The following DNAJC21 variants were observed in gnomAD, a reference collection of about 807,000 sequenced individuals.
The protein encoded by DNAJC21 is dnaJ homolog subfamily C member 21.
In DNAJC21, 63 loss-of-function variants were observed where a neutral mutation model predicts 72.4. The observed-to-expected ratio is 0.87, with a 90% CI of 0.71 to 1.07. DNAJC21 has a LOEUF of 1.07. DNAJC21 is among the 50% of genes least tolerant of loss of function. The probability of loss-of-function intolerance (pLI) is 0.00; values close to 1 mark genes in which losing one functional copy is unlikely to be tolerated. For synonymous variants in DNAJC21, 203 were observed against 216.7 expected (o/e 0.94, Z 0.56); for missense variants, 634 against 644.8 (o/e 0.98, Z 0.18).
chr5:34,930,358 T>C (rs1764548371), intron 1 of DNAJC21: 1 of 153,200 alleles, frequency 6.5e-6, no homozygotes, highest in Non-Finnish European at 1.5e-5. Flanking sequence ...TACTTCAACC[T>C]GATGTATGGC....
intron 1 of DNAJC21, among the ~76,000 whole-genome samples, chr5:34,930,727 C>T (rs1218994216): frequency 2.0e-5 from 3 of 152,204 alleles, no homozygotes; most frequent in Non-Finnish European, 4.4e-5. Flanking sequence ...CATCAGTAAA[C>T]ACGGTTACAG....
In DNAJC21 at chr5:34,938,925, A is replaced by G. The variant is rs767526642; in HGVS notation, c.811A>G (p.Met271Val). The change falls in exon 6 of 12, where the codon ATG (methionine) becomes GTG (valine). Residue 271 changes from methionine to valine, a missense_variant. Transcript: ENST00000648817. ...CAATTTGGAGAAAGAGCTCCAGGAGATGGAGGCACGGTACGAGAAGGAGTT... is the reference window on the plus strand; with the variant it reads ...CAATTTGGAGAAAGAGCTCCAGGAGGTGGAGGCACGGTACGAGAAGGAGTT... ...MANLEKELQEMEARYEKEFGD... is the reference protein window; with the variant it reads ...MANLEKELQEVEARYEKEFGD... 2 of 1,614,140 alleles carry G rather than the reference A, an allele frequency of 1.2e-6. No homozygotes were observed. The highest frequency in any genetic ancestry group is 1.7e-6 in the Non-Finnish European group (2 of 1,180,016).
intron 7 of DNAJC21, among the ~76,000 whole-genome samples, chr5:34,941,601 CTG>C (rs915812300): frequency 1.6e-5 from 2 of 122,096 alleles, no homozygotes; most frequent in South Asian, 2.8e-4. Context: ...GAGTCTCACT[CTG>C]TTGCCCCGGC....
chr5:34,930,056 G>T lies in DNAJC21; in HGVS notation c.97+140G>T. Reference sequence around the variant, plus strand: ...GAGCTCCTTGCCCCGCCCGGCCAGTGCCCGGAGCCGCCCTGCCCGTCTCGG... The same window carrying T: ...GAGCTCCTTGCCCCGCCCGGCCAGTTCCCGGAGCCGCCCTGCCCGTCTCGG... On this transcript the variant is annotated intron_variant, in intron 1 of 11. Transcript: ENST00000648817. 7 of 527,954 alleles carry T rather than the reference G, an allele frequency of 1.3e-5. No homozygotes were observed. The South Asian group carries it at 2.1e-4, about 16-fold the overall frequency. The allele number at this position is 527,954 out of a possible 1,614,324, so 32.7% of individuals were successfully genotyped here. A position where few individuals can be genotyped will look rare whatever the true frequency, so the allele number is the denominator to read the frequency against.
Position 34,955,592 on chromosome 5 carries a change from G to T in DNAJC21, c.*878G>T, listed in dbSNP as rs1250761253. On this transcript the variant is annotated 3_prime_UTR_variant, in exon 12 of 12. Coordinates refer to ENST00000648817, the MANE Select transcript of DNAJC21 (RefSeq NM_001012339.3). ...GTGGAGAAAAGCTTTGTTAATGAAA[G>T]ATTTTGTGATAGAGCTGATGCTTAT... 6 of 151,550 alleles carry T rather than the reference G, an allele frequency of 4.0e-5. No homozygotes were observed. In the East Asian group the frequency reaches 5.8e-4, roughly 15 times the overall value. The allele number at this position is 151,550 out of a possible 1,614,324, so 9.4% of individuals were successfully genotyped here.
chr5:34,939,630 A>G (rs1360567670), intron 6 of DNAJC21, among the ~76,000 whole-genome samples: 1 of 152,200 alleles, frequency 6.6e-6, no homozygotes, highest in African/African-American at 2.4e-5. Context: ...CTATTTCTAG[A>G]AAAGCTGATA....
intron 1 of DNAJC21, among the ~76,000 whole-genome samples, chr5:34,930,996 C>T (rs557908091): frequency 4.0e-5 from 6 of 151,804 alleles, no homozygotes; most frequent in Admixed American, 1.3e-4. Flanking sequence ...TGGACTGGAT[C>T]GTAGAGGAAT....
rs776885601 is a variant in DNAJC21 at position 34,936,269 on chromosome 5, A to G, written c.438+3A>G. Reference sequence around the variant, plus strand: ...ACTCCCAGAGTGACTATGATACGGTAAAATAAAAATGCATTGTTCTATAAT... The same window carrying G: ...ACTCCCAGAGTGACTATGATACGGTGAAATAAAAATGCATTGTTCTATAAT... On this transcript the variant is annotated splice_donor_region_variant and intron_variant, in intron 4 of 11. Transcript: ENST00000648817. 3 of 1,602,950 alleles carry G rather than the reference A, an allele frequency of 1.9e-6. No individual in the cohort carries two copies. In the East Asian group the frequency reaches 6.7e-5, roughly 36 times the overall value.
chr5:34,942,903 T>A (rs1388195004), intron 7 of DNAJC21, among the ~76,000 whole-genome samples: 3 of 152,158 alleles, frequency 2.0e-5, no homozygotes. Context: ...ACCCCGTCTC[T>A]ACTAAAACTA....
chr5:34,954,239 A>G (rs1325883129), intron 11 of DNAJC21: 3 of 469,190 alleles, frequency 6.4e-6, no homozygotes, highest in African/African-American at 2.0e-5. Flanking sequence ...TTACTTTTCA[A>G]TCTAAAGCCT....
chr5:34,951,923 G>A (rs751790878), intron 10 of DNAJC21: 45 of 985,342 alleles, frequency 4.6e-5, no homozygotes, highest in Admixed American at 6.1e-5. Context: ...TCACTGATGT[G>A]AGGAAAGGAT....
chr5:34,950,824 T>C, intron 10 of DNAJC21: 1 of 985,938 alleles, frequency 1.0e-6, no homozygotes, highest in Non-Finnish European at 1.2e-6. Context: ...CACAAGGCCA[T>C]GGTGTGGACT....
intron 10 of DNAJC21, chr5:34,952,197 G>A: frequency 7.1e-6 from 7 of 985,166 alleles, no homozygotes; most frequent in Non-Finnish European, 8.4e-6. Flanking sequence ...CTTCAGAGAT[G>A]TAACTGTCTT....
intron 9 of DNAJC21, among the ~76,000 whole-genome samples, chr5:34,946,815 G>A (rs1406633792): frequency 6.6e-6 from 1 of 152,084 alleles, no homozygotes; most frequent in African/African-American, 2.4e-5. Flanking sequence ...ACCTGAGCCT[G>A]TATTACCTTG....
chr5:34,937,238 T>C, intron 4 of DNAJC21, 88 bp from the exon 5 acceptor site: 2 of 1,354,732 alleles, frequency 1.5e-6, no homozygotes, highest in Non-Finnish European at 2.0e-6. Context: ...AAAAGAAAGG[T>C]AAAAGATGTT....
chr5:34,930,569 G>A (rs140124829), intron 1 of DNAJC21, among the ~76,000 whole-genome samples: 5 of 152,106 alleles, frequency 3.3e-5, no homozygotes, highest in African/African-American at 9.7e-5. Flanking sequence ...TTACTTAGAA[G>A]TATCCTTCCT....
chr5:34,938,111 T>C (rs1764856459), intron 5 of DNAJC21, among the ~76,000 whole-genome samples: 1 of 152,214 alleles, frequency 6.6e-6, no homozygotes, highest in Non-Finnish European at 1.5e-5. Context: ...AATTTTTATT[T>C]GAATTGGATA....
chr5:34,944,306 G>A (rs527249900), intron 7 of DNAJC21, among the ~76,000 whole-genome samples: 2 of 152,220 alleles, frequency 1.3e-5, no homozygotes, highest in East Asian at 3.9e-4. Flanking sequence ...AAAGCAAGAG[G>A]CAGTAAACTG....
rs1764882914 is a variant in DNAJC21 at position 34,938,841 on chromosome 5, G to A, written c.744-17G>A. 2 of 1,596,124 alleles carry A rather than the reference G, an allele frequency of 1.3e-6. No homozygotes were observed. Among genetic ancestry groups the A allele is most frequent in the African/African-American group, 1.4e-5 (1 of 73,964 alleles). ...GAGGCGTGCTTGTCGCTGTGAGACT[G>A]TGCTGTATGTGTCTAGACTGGTGGA... On this transcript the variant is annotated splice_polypyrimidine_tract_variant and intron_variant, in intron 5 of 11. Coordinates refer to ENST00000648817, the MANE Select transcript of DNAJC21 (RefSeq NM_001012339.3).
Sources: allele counts gnomAD v4.1 joint callset (sites outside exome capture counted in the v4.1 genomes callset), GRCh38; gene constraint gnomAD v4.1.1; transcripts MANE v1.5; gene names NCBI Gene and HGNC (gene_info 2026-07-23, HGNC 2026-07-21).